Variants in SPHKAP observed in about 807,000 individuals in gnomAD.
The protein encoded by SPHKAP is SPHK1 interactor, AKAP domain containing.
A neutral mutation model predicts 137.5 loss-of-function variants in SPHKAP; 67 were observed. The ratio of observed to expected loss-of-function variants is 0.49; its 90% CI spans 0.40 to 0.60. The LOEUF (loss-of-function observed/expected upper bound fraction) is 0.60. Ranked by LOEUF, SPHKAP falls within the 20% of genes least tolerant of loss-of-function variation. The probability of loss-of-function intolerance (pLI) is 0.00; values close to 1 mark genes in which losing one functional copy is unlikely to be tolerated. For synonymous variants in SPHKAP, 813 were observed against 785.3 expected (o/e 1.04, Z -0.59); for missense variants, 2,097 against 2,069.3 (o/e 1.01, Z -0.26).
At chr2:228,060,573 T>C (rs761721535) in intron 3 of SPHKAP, among the ~76,000 whole-genome samples, 1 of 152,196 alleles carries the variant, frequency 6.6e-6, no homozygotes, top group Non-Finnish European at 1.5e-5. Context: ...CAGCATGTCT[T>C]TTTCTGTAGC....
Position 228,016,778 on chromosome 2 carries a change from C to T in SPHKAP, c.4076G>A (p.Gly1359Glu), listed in dbSNP as rs762757545. The change falls in exon 7 of 12, where the codon GGG becomes GAG. Residue 1359 changes from glycine (G) to glutamate (E), a missense_variant. Transcript: ENST00000392056. ...AGACTCCTGAACAAGCAGAGTTGGC[C>T]CACTGCACATCCTGCTCGCAGCTAA... ...NRLAASRMCS[G>E]PTLLVQESLD... 3.1e-6 allele frequency: 5 copies of T among 1,613,970 alleles called. No homozygotes were observed. Among genetic ancestry groups the T allele is most frequent in the South Asian group, 2.2e-5 (2 of 91,056 alleles).
chr2:228,002,594 G>T (rs1488073600), intron 7 of SPHKAP, among the ~76,000 whole-genome samples: 1 of 152,168 alleles, frequency 6.6e-6, no homozygotes, highest in African/African-American at 2.4e-5. Context: ...TGTCTATGTT[G>T]GCTTCTGTTG....
chr2:228,130,135 G>T (rs557941277), intron 2 of SPHKAP, among the ~76,000 whole-genome samples: 37 of 152,012 alleles, frequency 2.4e-4, no homozygotes, highest in Non-Finnish European at 4.9e-4. Context: ...GGCCCAAATA[G>T]CCCTTTCAGT....
chr2:228,088,145 C>T (rs1017668695), intron 3 of SPHKAP, among the ~76,000 whole-genome samples: 6 of 151,874 alleles, frequency 4.0e-5, no homozygotes, highest in African/African-American at 7.3e-5. Context: ...GTGAGAGAGA[C>T]CCACAAATTG....
intron 3 of SPHKAP, among the ~76,000 whole-genome samples, chr2:228,092,099 A>ATG: frequency 6.7e-6 from 1 of 148,552 alleles, no homozygotes; most frequent in African/African-American, 2.5e-5. Context: ...GTGTGTATAT[A>ATG]TGTATATATA....
intron 2 of SPHKAP, among the ~76,000 whole-genome samples, chr2:228,117,677 G>A (rs969793185): frequency 6.6e-6 from 1 of 151,810 alleles, no homozygotes; most frequent in Non-Finnish European, 1.5e-5. Context: ...AAAGTTCTAT[G>A]AGTTTTGAAA....
At chr2:228,112,788 A>AT (rs903890336) in intron 2 of SPHKAP, among the ~76,000 whole-genome samples, 5 of 151,976 alleles carry the variant, frequency 3.3e-5, no homozygotes, top group African/African-American at 7.2e-5. Flanking sequence ...TATTTTAAAG[A>AT]TTTTTTTTGA....
intron 3 of SPHKAP, among the ~76,000 whole-genome samples, chr2:228,058,353 C>T (rs1696518565): frequency 6.6e-6 from 1 of 152,218 alleles, no homozygotes. Context: ...CCCTCAGGCT[C>T]ATTATGCCAT....
chr2:228,002,801 C>G (rs1319288439), intron 7 of SPHKAP, among the ~76,000 whole-genome samples: 1 of 152,150 alleles, frequency 6.6e-6, no homozygotes, highest in Admixed American at 6.5e-5. Context: ...GCCAGTTTTC[C>G]CAGCACCATT....
At chr2:228,061,794 C>T (rs1696645320) in intron 3 of SPHKAP, among the ~76,000 whole-genome samples, 1 of 151,592 alleles carries the variant, frequency 6.6e-6, no homozygotes, top group Admixed American at 6.6e-5. Flanking sequence ...TTGAAAACAA[C>T]ATTAGCTGTG....
Position 228,178,257 on chromosome 2 carries a change from A to C in SPHKAP, c.32+3310T>G, listed in dbSNP as rs139681775. ...TTTGTGGATGACCTAGCTCTGCTAC[A>C]TAGAATTTATATGGATTTTTAAATA... is the stretch of plus-strand genomic sequence containing the variant. On this transcript the variant is annotated intron_variant, in intron 1 of 11. Coordinates refer to ENST00000392056, the MANE Select transcript of SPHKAP (RefSeq NM_001142644.2). 1.1e-3 allele frequency among the ~76,000 whole-genome samples: 174 copies of C among 152,340 alleles called. 1 individual carries two copies. The highest frequency in any genetic ancestry group is 2.1e-3 in the Non-Finnish European group (140 of 68,020).
chr2:228,092,311 G>T (rs550016914), intron 3 of SPHKAP, among the ~76,000 whole-genome samples: 1 of 98,342 alleles, frequency 1.0e-5, no homozygotes, highest in African/African-American at 3.8e-5. Flanking sequence ...ACACGTGTAT[G>T]TGTGTGTATA....
At chr2:228,113,164 A>G (rs950796965) in intron 2 of SPHKAP, among the ~76,000 whole-genome samples, 1 of 150,140 alleles carries the variant, frequency 6.7e-6, no homozygotes, top group African/African-American at 2.4e-5. Context: ...TAATCTGATT[A>G]TATCAGTAAT....
intron 3 of SPHKAP, among the ~76,000 whole-genome samples, chr2:228,086,028 A>T (rs1697526815): frequency 6.6e-6 from 1 of 152,192 alleles, no homozygotes; most frequent in East Asian, 1.9e-4. Flanking sequence ...CCTCAGTTAT[A>T]AACCCAAACA....
chr2:228,016,685 G>A lies in SPHKAP; in HGVS notation c.4169C>T (p.Thr1390Ile), dbSNP rs1230331035. 1.2e-6 allele frequency: 2 copies of A among 1,614,144 alleles called. No homozygotes were observed. Among genetic ancestry groups the A allele is most frequent in the South Asian group, 2.2e-5 (2 of 91,078 alleles). The change falls in exon 7 of 12, where the codon ACT (threonine) becomes ATT (isoleucine). Residue 1390 changes from threonine (T) to isoleucine (I), a missense_variant. Coordinates refer to ENST00000392056, the MANE Select transcript of SPHKAP (RefSeq NM_001142644.2). Reference protein sequence around the residue: ...KQPPVSSLSKTASLTNHSPLD... With the variant: ...KQPPVSSLSKIASLTNHSPLD... ...AGGGCTGTGGTTTGTAAGAGAAGCA[G>A]TTTTGCTCAAAGATGACACTGGGGG... is the stretch of plus-strand genomic sequence containing the variant.
intron 1 of SPHKAP, among the ~76,000 whole-genome samples, chr2:228,171,588 A>G (rs10203410): frequency 0.14 from 20,556 of 152,160 alleles, 1,399 homozygotes; most frequent in East Asian, 0.2. Context: ...AGTTTGGTTC[A>G]TTTGCGAGAG....
intron 1 of SPHKAP, among the ~76,000 whole-genome samples, chr2:228,135,965 G>A (rs1013794402): frequency 3.3e-5 from 5 of 152,100 alleles, no homozygotes; most frequent in African/African-American, 1.2e-4. Context: ...TTTCCAATAG[G>A]TGACTTTACA....
intron 2 of SPHKAP, among the ~76,000 whole-genome samples, chr2:228,129,798 CTT>C (rs1196344608): frequency 2.3e-4 from 31 of 135,518 alleles, no homozygotes; most frequent in African/African-American, 5.1e-4. Context: ...TAATTTTTTT[CTT>C]TTTTTTTTTT....
rs547828784 is a variant in SPHKAP, at chr2:228,133,977, T to A, written c.33-1892A>T. 6.0e-5 allele frequency among the ~76,000 whole-genome samples: 9 copies of A among 150,880 alleles called. No individual in the cohort carries two copies. In the South Asian group the frequency reaches 1.7e-3, roughly 28 times the overall value. ...CACTTGAGGGCTAGAGTGAACCTAA[T>A]GCACATGAAAGGATAACACCCATAT... On this transcript the variant is annotated intron_variant, in intron 1 of 11. Coordinates refer to ENST00000392056, the MANE Select transcript of SPHKAP (RefSeq NM_001142644.2).
Sources: gnomAD v4.1 joint callset for allele counts (sites outside exome capture counted in the v4.1 genomes callset) on GRCh38, gnomAD v4.1.1 for gene constraint, MANE v1.5 for transcripts, NCBI Gene and HGNC (gene_info 2026-07-23, HGNC 2026-07-21) for gene names.